The following MFHAS1 variants were observed in gnomAD, a reference collection of about 807,000 sequenced individuals.
MFHAS1 encodes malignant fibrous histiocytoma-amplified sequence 1.
Under a neutral mutation model 70.4 loss-of-function variants are expected in MFHAS1, and 50 were observed. That is an observed-to-expected ratio of 0.71 (90% CI 0.57 to 0.90). The LOEUF is 0.90. Ranked by LOEUF, MFHAS1 falls within the 40% of genes least tolerant of loss-of-function variation. MFHAS1 has a pLI of 0.00. For synonymous variants in MFHAS1, 952 were observed against 620.0 expected (o/e 1.54, Z -7.96); for missense variants, 1,795 against 1,347.6 (o/e 1.33, Z -5.20).
intron 1 of MFHAS1, among the ~76,000 whole-genome samples, chr8:8,843,238 C>T (rs781566538): frequency 6.7e-6 from 1 of 149,512 alleles, no homozygotes; most frequent in Non-Finnish European, 1.5e-5. Flanking sequence ...CACTGCAGTC[C>T]GCAGTCCCGC....
At chr8:8,831,616 ATTT>A (rs373603367) in intron 1 of MFHAS1, among the ~76,000 whole-genome samples, 2 of 142,764 alleles carry the variant, frequency 1.4e-5, no homozygotes, top group African/African-American at 2.6e-5. Context: ...TAAATGGTCA[ATTT>A]TTTTTTTTTT....
chr8:8,802,937 C>G (rs531481716), intron 1 of MFHAS1, among the ~76,000 whole-genome samples: 2 of 152,324 alleles, frequency 1.3e-5, no homozygotes, highest in South Asian at 4.1e-4. Context: ...TTGCAAGAGA[C>G]TTACCCAAGG....
Position 8,874,373 on chromosome 8 carries a change from C to CACAT in MFHAS1, c.2998+15687_2998+15688insATGT, listed in dbSNP as rs929974916. The stretch of plus-strand genomic sequence containing the variant: ...ACACACACACACACACACACACACA[C>CACAT]ATAATAATCTTCTATAACAGGGTTC... On this transcript the variant is annotated intron_variant, in intron 1 of 2. Coordinates refer to ENST00000276282, the MANE Select transcript of MFHAS1 (RefSeq NM_004225.3). 2.4e-3 allele frequency among the ~76,000 whole-genome samples: 358 copies of CACAT among 148,406 alleles called. 2 individuals are homozygous for CACAT. Among genetic ancestry groups the CACAT allele is most frequent in the Middle Eastern group, 3.4e-3 (1 of 292 alleles).
intron 1 of MFHAS1, among the ~76,000 whole-genome samples, chr8:8,847,764 G>C (rs1215547356): frequency 6.6e-6 from 1 of 152,176 alleles, no homozygotes; most frequent in Non-Finnish European, 1.5e-5. Context: ...AACAGTGATA[G>C]GAGAGTTTCT....
chr8:8,858,765 C>A (rs1304061394), intron 1 of MFHAS1, among the ~76,000 whole-genome samples: 1 of 152,016 alleles, frequency 6.6e-6, no homozygotes, highest in African/African-American at 2.4e-5. Flanking sequence ...GCACAGGTGG[C>A]GTCGAGGTGG....
intron 1 of MFHAS1, among the ~76,000 whole-genome samples, chr8:8,848,564 T>C (rs927182105): frequency 4.6e-5 from 7 of 152,218 alleles, no homozygotes; most frequent in Non-Finnish European, 8.8e-5. Flanking sequence ...TGAATTAAAA[T>C]ACTTCATGAG....
At chr8:8,837,535 C>A (rs958745879) in intron 1 of MFHAS1, among the ~76,000 whole-genome samples, 1 of 151,884 alleles carries the variant, frequency 6.6e-6, no homozygotes, top group Non-Finnish European at 1.5e-5. Context: ...CCAAGCTACT[C>A]GAGAGGCTGA....
At chr8:8,792,896 G>A (rs1340122426) in intron 2 of MFHAS1, among the ~76,000 whole-genome samples, 2 of 151,352 alleles carry the variant, frequency 1.3e-5, no homozygotes, top group Non-Finnish European at 2.9e-5. Flanking sequence ...GAGCGACCCA[G>A]GCAAATTTGC....
intron 2 of MFHAS1, among the ~76,000 whole-genome samples, chr8:8,789,703 G>A (rs1293676212): frequency 1.3e-5 from 2 of 152,146 alleles, no homozygotes; most frequent in East Asian, 3.9e-4. Flanking sequence ...CCAATTCCTA[G>A]AGATGGTAAA....
intron 1 of MFHAS1, among the ~76,000 whole-genome samples, chr8:8,848,389 A>T (rs1808110372): frequency 8.3e-6 from 1 of 120,490 alleles, no homozygotes; most frequent in Admixed American, 1.0e-4. Flanking sequence ...GTCAGGCCTA[A>T]AGAGGAAGAA....
intron 1 of MFHAS1, among the ~76,000 whole-genome samples, chr8:8,818,831 T>C (rs748631439): frequency 1.3e-5 from 2 of 152,198 alleles, no homozygotes; most frequent in South Asian, 2.1e-4. Context: ...GCTATCATTA[T>C]ATTTCATCCC....
At chr8:8,826,006 A>T (rs1807144637) in intron 1 of MFHAS1, among the ~76,000 whole-genome samples, 1 of 152,194 alleles carries the variant, frequency 6.6e-6, no homozygotes, top group East Asian at 1.9e-4. Flanking sequence ...GGTTCTGAGT[A>T]ACTGGTTGGA....
At chr8:8,869,851 C>T (rs1307236117) in intron 1 of MFHAS1, among the ~76,000 whole-genome samples, 7 of 152,126 alleles carry the variant, frequency 4.6e-5, no homozygotes, top group Admixed American at 3.3e-4. Context: ...AGGACTCTGC[C>T]TCATTAACAT....
chr8:8,890,253 G>A lies in MFHAS1; in HGVS notation c.2806C>T (p.Leu936=), dbSNP rs1809936929. Residue 936 remains leucine (L), a synonymous_variant, in exon 1 of 3, where the codon CTG becomes TTG. Transcript: ENST00000276282. ...GCAATGGACAGGGTGTCTGGCTGCAGGACTCCCCTGGCAGGTCTGTAACTC... is the reference window on the plus strand; with the variant it reads ...GCAATGGACAGGGTGTCTGGCTGCAAGACTCCCCTGGCAGGTCTGTAACTC... ...VVSYRPARGV[L]QPDTLSIASH... 1 of 1,614,112 alleles carries A rather than the reference G, an allele frequency of 6.2e-7. No homozygotes were observed. Among genetic ancestry groups the A allele is most frequent in the Non-Finnish European group, 8.5e-7 (1 of 1,180,006 alleles).
chr8:8,803,907 G>A (rs555562419), intron 1 of MFHAS1, among the ~76,000 whole-genome samples: 1 of 152,120 alleles, frequency 6.6e-6, no homozygotes, highest in Non-Finnish European at 1.5e-5. Context: ...AGGAGGCAGA[G>A]GTTTCAGTAA....
chr8:8,798,526 G>A (rs2117260523), intron 1 of MFHAS1, among the ~76,000 whole-genome samples: 1 of 152,138 alleles, frequency 6.6e-6, no homozygotes, highest in East Asian at 1.9e-4. Flanking sequence ...TGTAGAGACA[G>A]GAGTCTCGAT....
intron 2 of MFHAS1, among the ~76,000 whole-genome samples, chr8:8,793,300 A>G (rs574653859): frequency 6.6e-6 from 1 of 152,392 alleles, no homozygotes; most frequent in Admixed American, 6.5e-5. Flanking sequence ...AAGGCCAATC[A>G]GGTAACAGTC....
chr8:8,838,641 T>A (rs1807693241), intron 1 of MFHAS1, among the ~76,000 whole-genome samples: 1 of 151,942 alleles, frequency 6.6e-6, no homozygotes, highest in African/African-American at 2.4e-5. Context: ...GGCAAAACCG[T>A]GTCTCTACTA....
chr8:8,867,445 T>G (rs1403235408), intron 1 of MFHAS1, among the ~76,000 whole-genome samples: 1 of 152,198 alleles, frequency 6.6e-6, no homozygotes, highest in East Asian at 1.9e-4. Flanking sequence ...AAATTTTTTT[T>G]ATAAAAACAA....
Sources: gnomAD v4.1 joint callset for allele counts (sites outside exome capture counted in the v4.1 genomes callset) on GRCh38, gnomAD v4.1.1 for gene constraint, MANE v1.5 for transcripts, NCBI Gene and HGNC (gene_info 2026-07-23, HGNC 2026-07-21) for gene names.